The following CNBD1 variants were observed in gnomAD, a reference collection of about 807,000 sequenced individuals.
CNBD1 encodes the protein cyclic nucleotide-binding domain-containing protein 1.
In CNBD1, 71 loss-of-function variants were observed where a neutral mutation model predicts 54.4. The observed-to-expected ratio is 1.30, with a 90% CI of 1.08 to 1.59. The LOEUF (loss-of-function observed/expected upper bound fraction) is 1.59, where lower values mean the gene tolerates loss of function less well. Ranked by LOEUF, CNBD1 falls within the 40% of genes most tolerant of loss-of-function variation. The pLI is 0.00. For synonymous variants in CNBD1, 182 were observed against 170.7 expected (o/e 1.07, Z -0.51); for missense variants, 659 against 518.0 (o/e 1.27, Z -2.64).
chr8:86,866,794 C>T (rs1808371666), intron 1 of CNBD1, among the ~76,000 whole-genome samples: 1 of 152,082 alleles, frequency 6.6e-6, no homozygotes, highest in South Asian at 2.1e-4. Flanking sequence ...TATTTTTTCT[C>T]TGTAAAATGA....
intron 4 of CNBD1, among the ~76,000 whole-genome samples, chr8:87,179,440 T>A (rs151164049): frequency 7.2e-5 from 11 of 152,234 alleles, no homozygotes; most frequent in Admixed American, 1.3e-4. Context: ...TAAAGAAGAG[T>A]CTAAATGTAG....
At chr8:87,419,877 T>C (rs1394702469) in intron 2 of CNBD1, among the ~76,000 whole-genome samples, 1 of 151,184 alleles carries the variant, frequency 6.6e-6, no homozygotes, top group Non-Finnish European at 1.5e-5. Context: ...TCGCCCATGG[T>C]AAACTTTATA....
chr8:87,203,997 G>A (rs1025514039), intron 4 of CNBD1, among the ~76,000 whole-genome samples: 1 of 152,074 alleles, frequency 6.6e-6, no homozygotes, highest in African/African-American at 2.4e-5. Context: ...CTGTTTTTTG[G>A]GAGGAACACC....
chr8:87,063,183 G>A (rs530210449), intron 4 of CNBD1, among the ~76,000 whole-genome samples: 10 of 152,254 alleles, frequency 6.6e-5, no homozygotes, highest in African/African-American at 2.4e-4. Flanking sequence ...AACAGTTCAA[G>A]TAACTTTGGA....
intron 1 of CNBD1, among the ~76,000 whole-genome samples, chr8:86,869,839 A>C (rs1005691169): frequency 1.3e-5 from 2 of 152,198 alleles, no homozygotes; most frequent in Non-Finnish European, 2.9e-5. Flanking sequence ...AAAAGAAAAA[A>C]AAATTCTTAT....
chr8:86,972,236 C>T (rs1453855294), intron 4 of CNBD1, among the ~76,000 whole-genome samples: 1 of 152,202 alleles, frequency 6.6e-6, no homozygotes, highest in African/African-American at 2.4e-5. Context: ...AGGCTTGAGC[C>T]ACCGTGCCTG....
intron 4 of CNBD1, among the ~76,000 whole-genome samples, chr8:87,057,273 C>G (rs774099744): frequency 6.6e-6 from 1 of 152,046 alleles, no homozygotes; most frequent in African/African-American, 2.4e-5. Flanking sequence ...GAAAAGGAAG[C>G]AAACACGTTC....
At chr8:87,110,543 G>A (rs923868825) in intron 4 of CNBD1, among the ~76,000 whole-genome samples, 1 of 152,162 alleles carries the variant, frequency 6.6e-6, no homozygotes. Context: ...CATTGGAGGA[G>A]TTGTCTCAGC....
At position 87,352,085 on chromosome 8, in the gene CNBD1, C is replaced by A. The variant is rs192647106; in HGVS notation, c.1152+291C>A. On this transcript the variant is annotated intron_variant, in intron 9 of 10. Coordinates refer to ENST00000518476, the MANE Select transcript of CNBD1 (RefSeq NM_173538.3). ...TTAAAACCATAGCCAGGTACTACTA[C>A]AAACATACCAGATTGGCTAAGATGC... Among the ~76,000 whole-genome samples, 587 of 152,262 alleles carry A rather than the reference C, an allele frequency of 3.9e-3. 8 individuals are homozygous for A. The highest frequency in any genetic ancestry group is 0.013 in the African/African-American group (554 of 41,552).
chr8:86,996,792 G>C (rs1168347949), intron 4 of CNBD1, among the ~76,000 whole-genome samples: 1 of 152,130 alleles, frequency 6.6e-6, no homozygotes, highest in Non-Finnish European at 1.5e-5. Flanking sequence ...CTATAGACTG[G>C]GTTGCAGATA....
rs190080547 is a variant in CNBD1, at chr8:87,079,328, G to A, written c.432-126665G>A. Among the ~76,000 whole-genome samples, 45 of 152,114 alleles carry A rather than the reference G, an allele frequency of 3.0e-4. 1 individual carries two copies. In the East Asian group the frequency reaches 4.0e-3, roughly 14 times the overall value. ...TTTATGTAAATGTTTTCATAGAGCC[G>A]TAGGGCTAGAATGGCTAGATTGTAT... is the stretch of plus-strand genomic sequence containing the variant. On this transcript the variant is annotated intron_variant, in intron 4 of 10. Transcript: ENST00000518476.
intron 4 of CNBD1, among the ~76,000 whole-genome samples, chr8:86,968,349 C>T (rs936622362): frequency 2.6e-5 from 4 of 152,106 alleles, no homozygotes; most frequent in African/African-American, 9.7e-5. Context: ...ATGTGAATTG[C>T]CCCCACCCTT....
intron 2 of CNBD1, among the ~76,000 whole-genome samples, chr8:87,397,818 C>T (rs955797053): frequency 2.0e-5 from 3 of 151,966 alleles, no homozygotes; most frequent in African/African-American, 7.2e-5. Flanking sequence ...ATGACTGAAT[C>T]ATGGGGGCAG....
intron 4 of CNBD1, among the ~76,000 whole-genome samples, chr8:87,177,713 C>T (rs1813228182): frequency 6.6e-6 from 1 of 152,036 alleles, no homozygotes; most frequent in Non-Finnish European, 1.5e-5. Flanking sequence ...GTTTTAATTG[C>T]ATTTTAACTA....
At chr8:87,418,893 G>A (rs1166584179) in intron 2 of CNBD1, among the ~76,000 whole-genome samples, 1 of 151,784 alleles carries the variant, frequency 6.6e-6, no homozygotes, top group Non-Finnish European at 1.5e-5. Flanking sequence ...AAATACTTTG[G>A]CAGTCCTCAA....
At position 87,130,925 on chromosome 8, in the gene CNBD1, A is replaced by G. The variant is rs548455113; in HGVS notation, c.432-75068A>G. ...TAGATATGTGCATATCTATGATTTT[A>G]TGTCTTGTGAAATCACTATTTTATC... is the stretch of plus-strand genomic sequence containing the variant. On this transcript the variant is annotated intron_variant, in intron 4 of 10. Transcript: ENST00000518476. 6.3e-4 allele frequency among the ~76,000 whole-genome samples: 95 copies of G among 151,356 alleles called. 1 individual carries two copies. The highest frequency in any genetic ancestry group is 2.3e-3 in the African/African-American group (93 of 41,226).
At chr8:87,376,203 T>G (rs1375365734) in intron 10 of CNBD1, among the ~76,000 whole-genome samples, 1 of 151,890 alleles carries the variant, frequency 6.6e-6, no homozygotes, top group Non-Finnish European at 1.5e-5. Flanking sequence ...ACAACAAACG[T>G]TTATTTTCCC....
intron 4 of CNBD1, among the ~76,000 whole-genome samples, chr8:87,004,391 A>T (rs932507311): frequency 2.0e-5 from 3 of 152,204 alleles, no homozygotes; most frequent in African/African-American, 7.2e-5. Context: ...TGCATGGATC[A>T]ATTTTAAACA....
chr8:86,926,831 T>G (rs2131830418), intron 3 of CNBD1, among the ~76,000 whole-genome samples: 1 of 152,264 alleles, frequency 6.6e-6, no homozygotes, highest in South Asian at 2.1e-4. Context: ...TGTGTGGTAG[T>G]AGGATAATGA....
Sources: gnomAD v4.1 joint callset for allele counts (sites outside exome capture counted in the v4.1 genomes callset) on GRCh38, gnomAD v4.1.1 for gene constraint, MANE v1.5 for transcripts, NCBI Gene and HGNC (gene_info 2026-07-23, HGNC 2026-07-21) for gene names.